The following SUSD6 variants were observed in gnomAD, a reference collection of about 807,000 sequenced individuals.
SUSD6 encodes sushi domain-containing protein 6.
In SUSD6, 16 loss-of-function variants were observed where a neutral mutation model predicts 28.4. That is an observed-to-expected ratio of 0.56 (90% CI 0.38 to 0.86). SUSD6 has a LOEUF of 0.86. Ranked by LOEUF, SUSD6 falls within the 40% of genes least tolerant of loss-of-function variation. The probability of loss-of-function intolerance (pLI) is 0.00; values close to 1 mark genes in which losing one functional copy is unlikely to be tolerated. For synonymous variants in SUSD6, 147 were observed against 159.6 expected, an observed-to-expected ratio of 0.92 and a Z score of 0.59; for missense variants, 341 against 384.2, an observed-to-expected ratio of 0.89 and a Z score of 0.94.
chr14:69,622,944 A>G (rs1885062959), intron 1 of SUSD6, among the ~76,000 whole-genome samples: 1 of 152,186 alleles, frequency 6.6e-6, no homozygotes, highest in African/African-American at 2.4e-5. Flanking sequence ...TTGTACTCCC[A>G]TTTTACAAAT....
intron 2 of SUSD6, among the ~76,000 whole-genome samples, chr14:69,685,808 T>C (rs994527747): frequency 1.3e-5 from 2 of 152,200 alleles, no homozygotes; most frequent in African/African-American, 4.8e-5. Context: ...TTTAAACATT[T>C]GTCATGGGAA....
chr14:69,705,022 G>A (rs368047482), intron 4 of SUSD6, among the ~76,000 whole-genome samples: 14 of 152,268 alleles, frequency 9.2e-5, no homozygotes, highest in African/African-American at 3.4e-4. Flanking sequence ...TGACAACAGA[G>A]CTCAGAACTG....
chr14:69,627,742 G>T (rs1020335322), intron 1 of SUSD6, among the ~76,000 whole-genome samples: 1 of 151,774 alleles, frequency 6.6e-6, no homozygotes, highest in Admixed American at 6.6e-5. Context: ...GGGATTACAG[G>T]CGTGAGCCAC....
intron 2 of SUSD6, among the ~76,000 whole-genome samples, chr14:69,690,991 C>T (rs1305877451): frequency 6.6e-6 from 1 of 152,200 alleles, no homozygotes; most frequent in Non-Finnish European, 1.5e-5. Flanking sequence ...CCAGAATGTA[C>T]AGGGCTCACT....
chr14:69,689,886 G>A (rs1594719017), intron 2 of SUSD6, among the ~76,000 whole-genome samples: 1 of 152,206 alleles, frequency 6.6e-6, no homozygotes, highest in Non-Finnish European at 1.5e-5. Context: ...GGCTGATCTC[G>A]ATCTCCTGGC....
intron 2 of SUSD6, among the ~76,000 whole-genome samples, chr14:69,692,072 C>T (rs138152813): frequency 1.3e-3 from 194 of 151,480 alleles, no homozygotes; most frequent in Non-Finnish European, 2.5e-3. Flanking sequence ...CATGTGTTCT[C>T]AGCTGAAAAT....
Position 69,656,143 on chromosome 14 carries a change from T to C in SUSD6, c.-80-2370T>C, listed in dbSNP as rs1049771864. On this transcript the variant is annotated intron_variant, in intron 1 of 5. Transcript: ENST00000342745. The stretch of plus-strand genomic sequence containing the variant: ...TCCTCTTCCTCCATTCTTCCCTCCC[T>C]CCGTCTTCCTCCATTCTTCCCTCCC... Among the ~76,000 whole-genome samples, 3 of 149,156 alleles carry C rather than the reference T, an allele frequency of 2.0e-5. No individual in the cohort carries two copies. The East Asian group carries it at 6.0e-4, about 30-fold the overall frequency.
At chr14:69,683,249 A>T (rs1038230109) in intron 2 of SUSD6, among the ~76,000 whole-genome samples, 1 of 152,114 alleles carries the variant, frequency 6.6e-6, no homozygotes, top group South Asian at 2.1e-4. Context: ...TTAAGCATTT[A>T]GTTTATATAT....
chr14:69,640,373 G>A (rs1247276169), intron 1 of SUSD6, among the ~76,000 whole-genome samples: 1 of 151,896 alleles, frequency 6.6e-6, no homozygotes, highest in African/African-American at 2.4e-5. Flanking sequence ...TTACTCTGTT[G>A]CCCAGGTTGG....
intron 1 of SUSD6, among the ~76,000 whole-genome samples, chr14:69,634,608 C>T (rs1260357490): frequency 6.6e-6 from 1 of 152,226 alleles, no homozygotes; most frequent in African/African-American, 2.4e-5. Context: ...GCTAAATTCC[C>T]TGTTACACAG....
Position 69,709,387 on chromosome 14 carries a change from G to C in SUSD6, c.886+283G>C, listed in dbSNP as rs75860409. Among the ~76,000 whole-genome samples the C allele has an allele frequency of 1.5e-3, 226 of 152,232 alleles. 2 individuals are homozygous for C. The East Asian group carries it at 0.027, about 18-fold the overall frequency. On this transcript the variant is annotated intron_variant, in intron 5 of 5. Coordinates refer to ENST00000342745, the MANE Select transcript of SUSD6 (RefSeq NM_014734.4). The stretch of plus-strand genomic sequence containing the variant: ...TTGCTAAATCAAAAGACAGCTTGCT[G>C]GAGTTGGGGGTGGGGTCTGTCCTCT...
At chr14:69,666,569 A>G (rs1460504910) in intron 2 of SUSD6, among the ~76,000 whole-genome samples, 1 of 152,186 alleles carries the variant, frequency 6.6e-6, no homozygotes, top group Non-Finnish European at 1.5e-5. Flanking sequence ...TCTTTTTCCC[A>G]TTTGGTAGTC....
chr14:69,710,944 C>G lies in SUSD6; in HGVS notation c.887-10C>G, dbSNP rs376758017. 46 of 1,613,900 alleles carry G rather than the reference C, an allele frequency of 2.9e-5. No individual in the cohort carries two copies. Among genetic ancestry groups the G allele is most frequent in the Non-Finnish European group, 3.6e-5 (43 of 1,179,922 alleles). ...GTAACCACTGTGCTTTTCTTCTGGT[C>G]TTCCTGCAGATATTCCACTGTTGAA... On this transcript the variant is annotated splice_polypyrimidine_tract_variant and intron_variant, in intron 5 of 5. Transcript: ENST00000342745.
chr14:69,635,426 A>C (rs977469486), intron 1 of SUSD6, among the ~76,000 whole-genome samples: 1 of 152,190 alleles, frequency 6.6e-6, no homozygotes, highest in African/African-American at 2.4e-5. Flanking sequence ...CTAGGGGAGC[A>C]TTCATCTGTT....
intron 5 of SUSD6, among the ~76,000 whole-genome samples, chr14:69,710,179 A>G (rs1481410902): frequency 6.6e-6 from 1 of 152,210 alleles, no homozygotes; most frequent in Admixed American, 6.5e-5. Context: ...AGTGTATATC[A>G]TAGCCCTTAT....
At chr14:69,674,872 G>A (rs11629212) in intron 2 of SUSD6, among the ~76,000 whole-genome samples, 7,097 of 152,244 alleles carry the variant, frequency 0.047, 209 homozygotes, top group East Asian at 0.15. Flanking sequence ...CTTTCAGGTA[G>A]CTCAGGCACT....
intron 4 of SUSD6, among the ~76,000 whole-genome samples, chr14:69,706,836 T>C (rs1886393820): frequency 6.6e-6 from 1 of 152,154 alleles, no homozygotes; most frequent in Admixed American, 6.5e-5. Flanking sequence ...TGAGAACTAC[T>C]AACAACAATC....
chr14:69,682,568 T>TG (rs1256716283), intron 2 of SUSD6, among the ~76,000 whole-genome samples: 2 of 152,202 alleles, frequency 1.3e-5, no homozygotes, highest in African/African-American at 2.4e-5. Flanking sequence ...GTATAGTTAT[T>TG]GCAAAAAGAT....
intron 2 of SUSD6, among the ~76,000 whole-genome samples, chr14:69,687,690 C>G (rs1005516050): frequency 6.6e-6 from 1 of 152,020 alleles, no homozygotes; most frequent in Non-Finnish European, 1.5e-5. Flanking sequence ...AGAGAAAAAT[C>G]TCTCTAATTA....
Sources: allele counts gnomAD v4.1 joint callset (sites outside exome capture counted in the v4.1 genomes callset), GRCh38; gene constraint gnomAD v4.1.1; transcripts MANE v1.5; gene names NCBI Gene and HGNC (gene_info 2026-07-23, HGNC 2026-07-21).